UTRN: variants seen among roughly 807,000 people sequenced by gnomAD.
The protein encoded by UTRN is dystrophin-related protein 1.
UTRN carries 283 observed loss-of-function variants against 463.9 expected under a neutral mutation model. The observed-to-expected ratio is 0.61, with a 90% CI of 0.55 to 0.67. The LOEUF (loss-of-function observed/expected upper bound fraction) is 0.67, where lower values mean the gene tolerates loss of function less well. UTRN is among the 30% of genes least tolerant of loss of function. The pLI is 0.00. For synonymous variants in UTRN, 1,442 were observed against 1,431.5 expected (o/e 1.01, Z -0.17); for missense variants, 3,922 against 4,084.3 (o/e 0.96, Z 1.08).
At chr6:144,777,491 T>C (rs1775433513) in intron 60 of UTRN, among the ~76,000 whole-genome samples, 1 of 152,170 alleles carries the variant, frequency 6.6e-6, no homozygotes, top group African/African-American at 2.4e-5. Flanking sequence ...TGTAAGAGGA[T>C]GTAATTAGGC....
chr6:144,813,109 T>C (rs1778765124), intron 65 of UTRN, among the ~76,000 whole-genome samples: 1 of 152,170 alleles, frequency 6.6e-6, no homozygotes, highest in Non-Finnish European at 1.5e-5. Context: ...TCCAGAGGCA[T>C]CTGGGGAAGA....
Position 144,539,379 on chromosome 6 carries a change from T to A in UTRN, c.6455T>A (p.Leu2152Gln). 6.2e-7 allele frequency: 1 copy of A among 1,613,434 alleles called. No homozygotes were observed. The highest frequency in any genetic ancestry group is 2.2e-5 in the East Asian group (1 of 44,736). Residue 2152 changes from leucine to glutamine, a missense_variant, in exon 45 of 75, where the codon CTG becomes CAG. By Grantham distance (113) the Leu-to-Gln change is moderately radical (BLOSUM62 -2). Transcript: ENST00000367545. The part of the protein sequence containing the change: ...TELEMLSDKS[L>Q]SLPERDKISE... Reference sequence around the variant, plus strand: ...TTGGAGATGCTTTCAGATAAAAGTCTGAGTTTACCTGAAAGGGATAAAATT... The same window carrying A: ...TTGGAGATGCTTTCAGATAAAAGTCAGAGTTTACCTGAAAGGGATAAAATT...
chr6:144,435,208 G>A lies in UTRN; in HGVS notation c.856-727G>A, dbSNP rs549756630. Among the ~76,000 whole-genome samples the A allele has an allele frequency of 1.3e-3, 191 of 152,312 alleles. 3 individuals are homozygous for A. The South Asian group carries it at 0.021, about 17-fold the overall frequency. ...CATGCATGAGAGTTGATAAAGTAGA[G>A]ACAGAATGTAGGCAAGTCTTCAAGA... On this transcript the variant is annotated intron_variant, in intron 9 of 74. Transcript: ENST00000367545.
chr6:144,684,273 T>C (rs778066443), intron 52 of UTRN, among the ~76,000 whole-genome samples: 51 of 152,056 alleles, frequency 3.4e-4, no homozygotes, highest in South Asian at 2.1e-4. Context: ...TGGTCTCAAA[T>C]TCCTGACCTC....
intron 3 of UTRN, among the ~76,000 whole-genome samples, chr6:144,404,236 C>A (rs984574411): frequency 2.0e-5 from 3 of 152,094 alleles, no homozygotes; most frequent in African/African-American, 7.2e-5. Flanking sequence ...CCAACTTTGA[C>A]AGAGGGTTAA....
At chr6:144,338,449 G>C (rs926054643) in intron 2 of UTRN, among the ~76,000 whole-genome samples, 1 of 152,214 alleles carries the variant, frequency 6.6e-6, no homozygotes, top group Non-Finnish European at 1.5e-5. Flanking sequence ...CTTGAGGACA[G>C]TTGATGCCTT....
intron 51 of UTRN, among the ~76,000 whole-genome samples, chr6:144,604,946 C>CAA (rs35056128): frequency 6.0e-5 from 9 of 150,988 alleles, no homozygotes; most frequent in South Asian, 2.1e-4. Context: ...AAATAAACGA[C>CAA]AAAAAAAAAT....
At chr6:144,793,608 G>A (rs988916435) in intron 62 of UTRN, among the ~76,000 whole-genome samples, 14 of 152,194 alleles carry the variant, frequency 9.2e-5, no homozygotes, top group Middle Eastern at 3.4e-3. Flanking sequence ...CATTCTTGCA[G>A]GAACGGGTTA....
chr6:144,514,152 A>C, intron 36 of UTRN, 115 bp downstream of exon 36: 2 of 1,376,258 alleles, frequency 1.5e-6, no homozygotes, highest in South Asian at 2.8e-5. Flanking sequence ...CATTAGATTC[A>C]TTAACATTTA....
At chr6:144,788,461 G>C (rs1776473343) in intron 61 of UTRN, among the ~76,000 whole-genome samples, 1 of 151,926 alleles carries the variant, frequency 6.6e-6, no homozygotes, top group African/African-American at 2.4e-5. Context: ...TATATCACTA[G>C]ACTTTTCTTC....
At chr6:144,760,448 G>T (rs1481920941) in intron 58 of UTRN, among the ~76,000 whole-genome samples, 1 of 152,100 alleles carries the variant, frequency 6.6e-6, no homozygotes, top group Non-Finnish European at 1.5e-5. Flanking sequence ...AGTGTTAAAT[G>T]TCTTTTAAGT....
At chr6:144,681,284 G>A (rs1223490998) in intron 52 of UTRN, among the ~76,000 whole-genome samples, 2 of 152,134 alleles carry the variant, frequency 1.3e-5, no homozygotes, top group Non-Finnish European at 2.9e-5. Flanking sequence ...ACCATTGTGA[G>A]TTAGTTATTA....
At chr6:144,592,028 G>A (rs146058355) in intron 51 of UTRN, among the ~76,000 whole-genome samples, 90 of 152,206 alleles carry the variant, frequency 5.9e-4, no homozygotes, top group African/African-American at 2.1e-3. Flanking sequence ...ATAGAAGTAC[G>A]GGAAATGCAA....
chr6:144,735,660 G>A (rs1456924536), intron 54 of UTRN, among the ~76,000 whole-genome samples: 2 of 151,814 alleles, frequency 1.3e-5, no homozygotes, highest in Non-Finnish European at 2.9e-5. Flanking sequence ...AGCTTTTCTT[G>A]TCTCCTTTCT....
intron 42 of UTRN, among the ~76,000 whole-genome samples, chr6:144,531,514 C>T (rs981793796): frequency 2.0e-5 from 3 of 152,078 alleles, no homozygotes; most frequent in African/African-American, 7.2e-5. Flanking sequence ...ATACCAAGAA[C>T]AGAAAAAATA....
rs548995760 is a variant in UTRN at position 144,487,142 on chromosome 6, T to A, written c.3823-406T>A. On this transcript the variant is annotated intron_variant, in intron 28 of 74. Transcript: ENST00000367545. ...TGTCATGAGCATTTCCCCATATAAT[T>A]AATAATTATTTTTAACTTTTTATTA... Among the ~76,000 whole-genome samples the A allele has an allele frequency of 2.0e-5, 3 of 152,168 alleles. No homozygotes were observed. The East Asian group carries it at 5.8e-4, about 29-fold the overall frequency.
chr6:144,751,485 C>A (rs1026781630), intron 55 of UTRN, among the ~76,000 whole-genome samples: 3 of 152,080 alleles, frequency 2.0e-5, no homozygotes, highest in Admixed American at 6.6e-5. Context: ...GCTGGCCTTG[C>A]CATTTATTTG....
intron 51 of UTRN, among the ~76,000 whole-genome samples, chr6:144,611,759 T>C (rs1805552066): frequency 6.6e-6 from 1 of 152,166 alleles, no homozygotes; most frequent in Non-Finnish European, 1.5e-5. Context: ...AGACTTCATA[T>C]TGTGAAAATT....
At chr6:144,526,253 G>A (rs1418143903) in intron 41 of UTRN, among the ~76,000 whole-genome samples, 1 of 152,076 alleles carries the variant, frequency 6.6e-6, no homozygotes, top group African/African-American at 2.4e-5. Flanking sequence ...TTTCTGTCTG[G>A]GTGACTTGTC....
Sources: gnomAD v4.1 joint callset for allele counts (sites outside exome capture counted in the v4.1 genomes callset) on GRCh38, gnomAD v4.1.1 for gene constraint, MANE v1.5 for transcripts, NCBI Gene and HGNC (gene_info 2026-07-23, HGNC 2026-07-21) for gene names.